Variants in DGLUCY observed in about 807,000 individuals in gnomAD.
The protein encoded by DGLUCY is D-glutamate cyclase, mitochondrial.
DGLUCY carries 58 observed loss-of-function variants against 58.5 expected under a neutral mutation model. The ratio of observed to expected loss-of-function variants is 0.99; its 90% CI spans 0.80 to 1.23. The LOEUF (loss-of-function observed/expected upper bound fraction) is 1.23, where lower values mean the gene tolerates loss of function less well. Among genes scored for constraint, DGLUCY ranks in the 50% most tolerant of loss-of-function variants. The pLI, the probability that DGLUCY is intolerant of heterozygous loss-of-function variation, is 0.00. For synonymous variants in DGLUCY, 325 were observed against 314.1 expected (o/e 1.03, Z -0.37); for missense variants, 779 against 784.7 (o/e 0.99, Z 0.09).
Position 91,136,036 on chromosome 14 carries a change from G to A in DGLUCY, c.-81-21603G>A, listed in dbSNP as rs551313329. Reference sequence around the variant, plus strand: ...TGCAGGCTCCGCCTCCCAGGTTCACGCCATTCTCCTGCCTCAGCCTCCCGA... The same window carrying A: ...TGCAGGCTCCGCCTCCCAGGTTCACACCATTCTCCTGCCTCAGCCTCCCGA... On this transcript the variant is annotated intron_variant, in intron 1 of 13. Coordinates refer to ENST00000256324, the MANE Select transcript of DGLUCY (RefSeq NM_001102368.3). Among the ~76,000 whole-genome samples the A allele has an allele frequency of 9.3e-5, 13 of 139,564 alleles. No homozygotes were observed. In the East Asian group the frequency reaches 2.7e-3, roughly 29 times the overall value. The allele number at this position is 139,564 out of a possible 152,430, so 91.6% of individuals were successfully genotyped here.
At chr14:91,141,101 T>C (rs1271108809) in intron 1 of DGLUCY, among the ~76,000 whole-genome samples, 1 of 151,958 alleles carries the variant, frequency 6.6e-6, no homozygotes, top group Admixed American at 6.6e-5. Flanking sequence ...AGAATAGTTA[T>C]CAGGCTGGGC....
intron 1 of DGLUCY, among the ~76,000 whole-genome samples, chr14:91,152,546 T>C (rs968621214): frequency 1.3e-5 from 2 of 152,246 alleles, no homozygotes; most frequent in Non-Finnish European, 2.9e-5. Context: ...ATACCATTTT[T>C]TAAATAAAAT....
In DGLUCY at chr14:91,189,237, C is replaced by G. The variant is rs1227403501; in HGVS notation, c.1195+67C>G. 1.9e-6 allele frequency: 3 copies of G among 1,579,286 alleles called. No individual in the cohort carries two copies. The African/African-American group carries it at 4.0e-5, about 21-fold the overall frequency. The stretch of plus-strand genomic sequence containing the variant: ...TTTGTGGACGGAGGCTGGAGGGAAT[C>G]AGCATCTGCAGTACAGAGCATTCTC... On this transcript the variant is annotated intron_variant, in intron 9 of 13. Transcript: ENST00000256324.
At chr14:91,088,524 T>C (rs1370178689) in intron 1 of DGLUCY, among the ~76,000 whole-genome samples, 2 of 152,170 alleles carry the variant, frequency 1.3e-5, no homozygotes, top group Non-Finnish European at 1.5e-5. Flanking sequence ...TTCTCTGCTG[T>C]TATTATTGCT....
At chr14:91,108,927 G>A (rs1427799597) in intron 1 of DGLUCY, among the ~76,000 whole-genome samples, 3 of 152,076 alleles carry the variant, frequency 2.0e-5, no homozygotes, top group Non-Finnish European at 2.9e-5. Flanking sequence ...GAAAGGGACC[G>A]GAGAGCAAGG....
At position 91,199,876 on chromosome 14, in the gene DGLUCY, CGAA is replaced by C; in HGVS notation, c.1421_1423del (p.Lys474del). ...CCCATTGACGATCTTTTTCTTGCTG[CGAA>C]GAAGATTCCTGGAATCTCATCAACT... On this transcript the variant is annotated inframe_deletion, in exon 11 of 14. Transcript: ENST00000256324. 6.2e-7 allele frequency: 1 copy of C among 1,614,090 alleles called. No individual in the cohort carries two copies. Among genetic ancestry groups the C allele is most frequent in the Non-Finnish European group, 8.5e-7 (1 of 1,180,016 alleles).
At chr14:91,189,410 G>A (rs1198135983) in intron 9 of DGLUCY, among the ~76,000 whole-genome samples, 1 of 152,204 alleles carries the variant, frequency 6.6e-6, no homozygotes. Flanking sequence ...CAAAGCATGG[G>A]ATCCTTCCTG....
intron 1 of DGLUCY, among the ~76,000 whole-genome samples, chr14:91,095,545 C>T (rs2044380460): frequency 6.6e-6 from 1 of 152,138 alleles, no homozygotes; most frequent in Non-Finnish European, 1.5e-5. Flanking sequence ...AAAAAGAATA[C>T]ACCATAGTTC....
intron 13 of DGLUCY, among the ~76,000 whole-genome samples, chr14:91,217,229 G>A (rs1341502602): frequency 6.6e-6 from 1 of 152,226 alleles, no homozygotes; most frequent in Non-Finnish European, 1.5e-5. Flanking sequence ...TAAATCCTGG[G>A]TCAGATGTGA....
At chr14:91,061,533 A>G (rs2043683525) in intron 1 of DGLUCY, among the ~76,000 whole-genome samples, 1 of 152,254 alleles carries the variant, frequency 6.6e-6, no homozygotes, top group Non-Finnish European at 1.5e-5. Context: ...AGAATCTCGC[A>G]CGGATGGCAA....
At chr14:91,177,661 G>A (rs1275239121) in intron 7 of DGLUCY, among the ~76,000 whole-genome samples, 5 of 152,236 alleles carry the variant, frequency 3.3e-5, no homozygotes, top group Non-Finnish European at 5.9e-5. Context: ...CCACACTTGC[G>A]CTGTAAGCAC....
intron 13 of DGLUCY, chr14:91,223,590 G>T: frequency 2.8e-6 from 3 of 1,087,260 alleles, no homozygotes; most frequent in Non-Finnish European, 3.7e-6. Flanking sequence ...CACATTAGTG[G>T]CTTGGGCAAG....
At chr14:91,119,765 G>T (rs1457999477) in intron 1 of DGLUCY, among the ~76,000 whole-genome samples, 1 of 152,166 alleles carries the variant, frequency 6.6e-6, no homozygotes, top group African/African-American at 2.4e-5. Context: ...CCCTCAGTCT[G>T]GGTGGGCACC....
At chr14:91,063,697 G>A (rs1461471490) in intron 1 of DGLUCY, among the ~76,000 whole-genome samples, 1 of 152,248 alleles carries the variant, frequency 6.6e-6, no homozygotes, top group African/African-American at 2.4e-5. Context: ...ATTGAGAAAG[G>A]CAGTGGAGCC....
At chr14:91,085,559 T>G (rs1175037250) in intron 1 of DGLUCY, among the ~76,000 whole-genome samples, 47 of 149,978 alleles carry the variant, frequency 3.1e-4, no homozygotes, top group African/African-American at 1.2e-3. Flanking sequence ...TTTGTTTTTT[T>G]TTTGTTTTTT....
At chr14:91,189,313 AC>A in intron 9 of DGLUCY, 143 bp downstream of exon 9, 4 of 1,153,770 alleles carry the variant, frequency 3.5e-6, no homozygotes, top group Non-Finnish European at 4.9e-6. Flanking sequence ...GATTTCATAG[AC>A]GAAGAGACTG....
At chr14:91,199,658 A>G in intron 10 of DGLUCY, 99 bp from the exon 11 acceptor site, 2 of 1,390,838 alleles carry the variant, frequency 1.4e-6, no homozygotes, top group Non-Finnish European at 2.0e-6. Context: ...ATCAAAGAAA[A>G]AAAGAAGCGT....
chr14:91,179,624 G>A lies in DGLUCY; in HGVS notation c.731-1562G>A, dbSNP rs369717879. On this transcript the variant is annotated intron_variant, in intron 7 of 13. Coordinates refer to ENST00000256324, the MANE Select transcript of DGLUCY (RefSeq NM_001102368.3). ...AAATTAGCCGGGTGTAGTGGTGCAC[G>A]CCTATAATCCCAGCTACTCAGGAGG... 4.0e-5 allele frequency among the ~76,000 whole-genome samples: 6 copies of A among 151,462 alleles called. No individual in the cohort carries two copies. The East Asian group carries it at 9.9e-4, about 25-fold the overall frequency.
At position 91,224,761 on chromosome 14, in the gene DGLUCY, T is replaced by C; in HGVS notation, c.1794T>C (p.Asp598=). 1 of 1,613,628 alleles carries C rather than the reference T, an allele frequency of 6.2e-7. No individual in the cohort carries two copies. The highest frequency in any genetic ancestry group is 8.5e-7 in the Non-Finnish European group (1 of 1,179,720). Residue 598 remains aspartate (D), a synonymous_variant, in exon 14 of 14, where the codon GAT becomes GAC. Transcript: ENST00000256324. ...CGGGCATCGTGGGCATGGAGGTGGA[T>C]GGGCTGCCCTTCCACAACACCCACG... ...GVSGIVGMEV[D]GLPFHNTHAE...
Sources: allele counts gnomAD v4.1 joint callset (sites outside exome capture counted in the v4.1 genomes callset), GRCh38; gene constraint gnomAD v4.1.1; transcripts MANE v1.5; gene names NCBI Gene and HGNC (gene_info 2026-07-23, HGNC 2026-07-21).